The following CYB5B variants were observed in gnomAD, a reference collection of about 807,000 sequenced individuals.
CYB5B encodes the protein cytochrome b5 type B.
A neutral mutation model predicts 21.3 loss-of-function variants in CYB5B; 14 were observed. The observed-to-expected ratio is 0.66, with a 90% CI of 0.43 to 1.03. The LOEUF is 1.03. Among genes scored for constraint, CYB5B ranks in the 50% least tolerant of loss-of-function variants. CYB5B has a pLI of 0.00. For missense variants in CYB5B, 166 were observed against 185.1 expected (o/e 0.90, Z 0.60); for synonymous variants, 69 against 68.4 (o/e 1.01, Z -0.04).
At chr16:69,459,279 GA>G in intron 4 of CYB5B, 158 bp downstream of exon 4, 1 of 969,846 alleles carries the variant, frequency 1.0e-6, no homozygotes, top group Non-Finnish European at 1.5e-6. Flanking sequence ...CTTGACATTA[GA>G]AAAATTAACT....
At chr16:69,450,942 T>A (rs2014925290) in intron 3 of CYB5B, among the ~76,000 whole-genome samples, 2 of 152,158 alleles carry the variant, frequency 1.3e-5, no homozygotes, top group African/African-American at 4.8e-5. Context: ...TCAGTAACCA[T>A]TCCCTAATTC....
At chr16:69,429,683 C>G (rs1190582078) in intron 1 of CYB5B, among the ~76,000 whole-genome samples, 1 of 151,956 alleles carries the variant, frequency 6.6e-6, no homozygotes, top group African/African-American at 2.4e-5. Context: ...GATGGAAGAG[C>G]CAATAGGATT....
At position 69,430,758 on chromosome 16, in the gene CYB5B, C is replaced by T. The variant is rs2014698059; in HGVS notation, c.174+5901C>T. ...GCATGGTCTCAGCTCACTGCAACCT[C>T]TGCCTCCCAGGTTCAAGTGATTCTC... On this transcript the variant is annotated intron_variant, in intron 1 of 4. Coordinates refer to ENST00000307892, the MANE Select transcript of CYB5B (RefSeq NM_030579.3). 2.7e-5 allele frequency among the ~76,000 whole-genome samples: 4 copies of T among 150,922 alleles called. No individual in the cohort carries two copies. The South Asian group carries it at 6.3e-4, about 24-fold the overall frequency.
chr16:69,435,700 C>T (rs1354056311), intron 1 of CYB5B, among the ~76,000 whole-genome samples: 1 of 152,050 alleles, frequency 6.6e-6, no homozygotes, highest in Admixed American at 6.6e-5. Flanking sequence ...TGCAGTGGCG[C>T]GGTCTCAGCT....
intron 3 of CYB5B, among the ~76,000 whole-genome samples, chr16:69,458,353 T>C (rs1412510805): frequency 1.3e-5 from 2 of 152,150 alleles, no homozygotes. Flanking sequence ...TACTTCTAAC[T>C]CTATTGATTG....
chr16:69,430,136 G>T (rs1273967721), intron 1 of CYB5B, among the ~76,000 whole-genome samples: 1 of 152,108 alleles, frequency 6.6e-6, no homozygotes, highest in African/African-American at 2.4e-5. Context: ...AATATCTTAT[G>T]ACATTGATAG....
intron 1 of CYB5B, among the ~76,000 whole-genome samples, chr16:69,429,031 G>T (rs1473814221): frequency 6.6e-6 from 1 of 152,196 alleles, no homozygotes; most frequent in Non-Finnish European, 1.5e-5. Flanking sequence ...GAAATCATTG[G>T]AGCAGAAGAG....
At chr16:69,456,172 A>G (rs7206737) in intron 3 of CYB5B, among the ~76,000 whole-genome samples, 125,652 of 152,044 alleles carry the variant, frequency 0.83, 52,102 homozygotes, top group Middle Eastern at 0.91. Context: ...CAGGGTCTTG[A>G]TCTGTCCTCC....
intron 4 of CYB5B, among the ~76,000 whole-genome samples, chr16:69,459,757 A>G (rs566491524): frequency 6.6e-6 from 1 of 152,312 alleles, no homozygotes; most frequent in African/African-American, 2.4e-5. Context: ...GGACATCTCG[A>G]AGTATTTCAG....
chr16:69,462,107 CAATG>C (rs1395602629), intron 4 of CYB5B, among the ~76,000 whole-genome samples: 1 of 152,046 alleles, frequency 6.6e-6, no homozygotes, highest in East Asian at 1.9e-4. Flanking sequence ...AGCAAAAGCA[CAATG>C]AAGAAAATGT....
intron 1 of CYB5B, among the ~76,000 whole-genome samples, chr16:69,425,089 G>A: frequency 6.6e-6 from 1 of 152,166 alleles, no homozygotes; most frequent in East Asian, 1.9e-4. Context: ...TATTACTTAT[G>A]TGTCGAGCAT....
chr16:69,426,180 A>G (rs1481684382), intron 1 of CYB5B, among the ~76,000 whole-genome samples: 1 of 151,994 alleles, frequency 6.6e-6, no homozygotes, highest in Non-Finnish European at 1.5e-5. Flanking sequence ...CGGGCGGATC[A>G]CGACGTCAGG....
chr16:69,454,533 C>G (rs2014965319), intron 3 of CYB5B, among the ~76,000 whole-genome samples: 1 of 152,142 alleles, frequency 6.6e-6, no homozygotes, highest in South Asian at 2.1e-4. Flanking sequence ...AGTGTTAGCT[C>G]ATGCTATAAG....
At chr16:69,428,018 G>A (rs566871814) in intron 1 of CYB5B, among the ~76,000 whole-genome samples, 1 of 151,852 alleles carries the variant, frequency 6.6e-6, no homozygotes, top group African/African-American at 2.4e-5. Flanking sequence ...AAAGAATTGG[G>A]GTCCCACTAT....
At chr16:69,459,233 C>CT in intron 4 of CYB5B, 112 bp downstream of exon 4, 1 of 1,319,056 alleles carries the variant, frequency 7.6e-7, no homozygotes, top group South Asian at 1.7e-5. Context: ...ACAACTAATT[C>CT]TTTTTTGGCC....
intron 1 of CYB5B, among the ~76,000 whole-genome samples, chr16:69,428,452 T>C (rs2014671345): frequency 6.6e-6 from 1 of 152,028 alleles, no homozygotes; most frequent in Admixed American, 6.6e-5. Context: ...GAGGTCGGGA[T>C]TGAGACCATC....
At chr16:69,442,629 A>T (rs1408598458) in intron 1 of CYB5B, among the ~76,000 whole-genome samples, 1 of 151,358 alleles carries the variant, frequency 6.6e-6, no homozygotes, top group Non-Finnish European at 1.5e-5. Flanking sequence ...GATCCTCCTA[A>T]TTCAGCTTCC....
At chr16:69,425,009 T>C (rs1426462144) in intron 1 of CYB5B, 152 bp downstream of exon 1, 2 of 777,000 alleles carry the variant, frequency 2.6e-6, no homozygotes, top group South Asian at 2.7e-5. Context: ...TGGGGTGGGA[T>C]TGGGGGAGGG....
In CYB5B at chr16:69,465,652, A is replaced by T. The variant is rs745513913; in HGVS notation, c.*3132A>T. On this transcript the variant is annotated 3_prime_UTR_variant, in exon 5 of 5. Transcript: ENST00000307892. ...GAAAAATGCTTTACAGGCCTGGAGT[A>T]TCATTACTTATGGTATCTCCTGCTT... is the stretch of plus-strand genomic sequence containing the variant. 3 of 152,200 alleles carry T rather than the reference A, an allele frequency of 2.0e-5. No individual in the cohort carries two copies. Among genetic ancestry groups the T allele is most frequent in the Non-Finnish European group, 2.9e-5 (2 of 68,030 alleles). The allele number at this position is 152,200 out of a possible 1,614,324, so 9.4% of individuals were successfully genotyped here.
Sources: gnomAD v4.1 joint callset for allele counts (sites outside exome capture counted in the v4.1 genomes callset) on GRCh38, gnomAD v4.1.1 for gene constraint, MANE v1.5 for transcripts, NCBI Gene and HGNC (gene_info 2026-07-23, HGNC 2026-07-21) for gene names.